The following BBS4 variants were observed in gnomAD, a reference collection of about 807,000 sequenced individuals.
The protein encoded by BBS4 is BBSome complex member BBS4.
BBS4 carries 58 observed loss-of-function variants against 71.4 expected under a neutral mutation model. That is an observed-to-expected ratio of 0.81 (90% CI 0.66 to 1.01). The LOEUF (loss-of-function observed/expected upper bound fraction) is 1.01. Ranked by LOEUF, BBS4 falls within the 50% of genes least tolerant of loss-of-function variation. BBS4 has a pLI of 0.00. For missense variants in BBS4, 660 were observed against 607.9 expected (o/e 1.09, Z -0.90); for synonymous variants, 228 against 216.8 (o/e 1.05, Z -0.46).
intron 12 of BBS4, among the ~76,000 whole-genome samples, chr15:72,734,125 T>C (rs1231764165): frequency 2.0e-5 from 3 of 152,318 alleles, no homozygotes; most frequent in Admixed American, 1.3e-4. Flanking sequence ...TCTTGTAAAT[T>C]TGCTTAAGTT....
chr15:72,698,748 A>G (rs1369920733), intron 2 of BBS4, among the ~76,000 whole-genome samples: 1 of 152,204 alleles, frequency 6.6e-6, no homozygotes, highest in Non-Finnish European at 1.5e-5. Flanking sequence ...CATTTCCTGT[A>G]CTGTATATAA....
intron 7 of BBS4, among the ~76,000 whole-genome samples, chr15:72,724,079 G>A (rs1469759833): frequency 6.6e-6 from 1 of 152,190 alleles, no homozygotes; most frequent in Non-Finnish European, 1.5e-5. Context: ...ACAGCAAGCA[G>A]TTGGGTGAAT....
chr15:72,692,555 G>C (rs2065005500), intron 1 of BBS4, among the ~76,000 whole-genome samples: 1 of 151,282 alleles, frequency 6.6e-6, no homozygotes, highest in Non-Finnish European at 1.5e-5. Context: ...TCAAGCAATC[G>C]GCCTGCCTCA....
chr15:72,688,411 C>CTTTTTTTTTCTTTTT (rs2064915652), intron 1 of BBS4, among the ~76,000 whole-genome samples: 1 of 83,048 alleles, frequency 1.2e-5, no homozygotes, highest in East Asian at 5.2e-4. Flanking sequence ...GGTATTTTAT[C>CTTTTTTTTTCTTTTT]TTTTTTTTTT....
In BBS4 at chr15:72,695,159, C is replaced by T. The variant is rs140934493; in HGVS notation, c.25-18C>T. On this transcript the variant is annotated intron_variant, in intron 1 of 15. Coordinates refer to ENST00000268057, the MANE Select transcript of BBS4 (RefSeq NM_033028.5). ...TTATATTGTGGTGCTTCAATATAGA[C>T]TACTTATTTCATTTCAGAGAACTCA... The T allele has an allele frequency of 6.9e-6, 11 of 1,583,386 alleles. No homozygotes were observed. The East Asian group carries it at 2.5e-4, about 35-fold the overall frequency.
chr15:72,733,190 C>T (rs2065858946), intron 12 of BBS4, among the ~76,000 whole-genome samples: 1 of 152,156 alleles, frequency 6.6e-6, no homozygotes, highest in African/African-American at 2.4e-5. Context: ...TGTGATGGTA[C>T]ATACCTGTAG....
intron 2 of BBS4, among the ~76,000 whole-genome samples, chr15:72,708,868 C>T (rs1173343793): frequency 6.6e-6 from 1 of 152,094 alleles, no homozygotes; most frequent in Non-Finnish European, 1.5e-5. Context: ...AAAACCCCAC[C>T]CTGGTAAATT....
At chr15:72,704,518 C>G (rs1477306064) in intron 2 of BBS4, 3 of 1,146,638 alleles carry the variant, frequency 2.6e-6, no homozygotes, top group East Asian at 1.2e-4. Flanking sequence ...TTCATAGATT[C>G]TAGGGATTTC....
intron 2 of BBS4, among the ~76,000 whole-genome samples, chr15:72,707,204 A>C (rs2065280814): frequency 7.0e-6 from 1 of 142,216 alleles, no homozygotes; most frequent in Non-Finnish European, 1.5e-5. Flanking sequence ...TTGGAGACAG[A>C]ATCTTGCTCT....
intron 1 of BBS4, among the ~76,000 whole-genome samples, chr15:72,688,409 A>ATTTTTTTTTTTTTTTTT (rs1188469848): frequency 1.2e-4 from 3 of 24,108 alleles, no homozygotes; most frequent in Admixed American, 7.3e-4. Context: ...GTGGTATTTT[A>ATTTTTTTTTTTTTTTTT]TCTTTTTTTT....
intron 7 of BBS4, among the ~76,000 whole-genome samples, chr15:72,723,406 TAA>T (rs1348944726): frequency 1.3e-5 from 2 of 152,156 alleles, no homozygotes; most frequent in African/African-American, 4.8e-5. Flanking sequence ...GGTACTCAGG[TAA>T]GAAAAAGTAT....
At chr15:72,710,393 G>T (rs1004187251) in intron 3 of BBS4, among the ~76,000 whole-genome samples, 1 of 151,496 alleles carries the variant, frequency 6.6e-6, no homozygotes, top group African/African-American at 2.4e-5. Flanking sequence ...GTAGAGATGG[G>T]GTTTCACCAT....
intron 4 of BBS4, among the ~76,000 whole-genome samples, chr15:72,713,686 A>T: frequency 6.6e-6 from 1 of 152,214 alleles, no homozygotes; most frequent in East Asian, 1.9e-4. Context: ...CTGGCAGCAC[A>T]GTAGGTTTGT....
chr15:72,686,275 T>G (rs1252530299), intron 1 of BBS4, 24 bp downstream of exon 1: 3 of 1,561,422 alleles, frequency 1.9e-6, no homozygotes, highest in Admixed American at 3.8e-5. Flanking sequence ...TTCTCTTTAG[T>G]TGCCCGGCCG....
chr15:72,688,411 C>CTTTTTTTTTTTTTTTT (rs58644289), intron 1 of BBS4, among the ~76,000 whole-genome samples: 1,607 of 83,032 alleles, frequency 0.019, 314 homozygotes, highest in East Asian at 0.11. Context: ...GGTATTTTAT[C>CTTTTTTTTTTTTTTTT]TTTTTTTTTT....
intron 1 of BBS4, among the ~76,000 whole-genome samples, chr15:72,692,613 G>GATCTATCTGTC (rs1446075551): frequency 3.3e-5 from 5 of 149,902 alleles, no homozygotes; most frequent in Admixed American, 6.6e-5. Context: ...ACACCTGGCT[G>GATCTATCTGTC]TTTGTTTGTT....
In BBS4 at chr15:72,702,802, CT is replaced by C. The variant is rs59816410; in HGVS notation, c.77-6875del. On this transcript the variant is annotated intron_variant, in intron 2 of 15. Coordinates refer to ENST00000268057, the MANE Select transcript of BBS4 (RefSeq NM_033028.5). ...TTTTTGGTATAGTGAGGAGCTGACT[CT>C]TTTTTTTTTTTTTTTTTTTTTTGAG... Among the ~76,000 whole-genome samples, 44 of 73,486 alleles carry C rather than the reference CT, an allele frequency of 6.0e-4. 1 individual carries two copies. In the East Asian group the frequency reaches 7.4e-3, roughly 12 times the overall value. 48.2% of individuals were successfully genotyped at this position (73,486 alleles called of 152,430 possible).
chr15:72,694,334 G>T (rs2065038497), intron 1 of BBS4, among the ~76,000 whole-genome samples: 1 of 151,754 alleles, frequency 6.6e-6, no homozygotes. Context: ...GGGACTATAG[G>T]CACGTGCCAC....
intron 2 of BBS4, among the ~76,000 whole-genome samples, chr15:72,708,838 A>T (rs2065312869): frequency 6.6e-6 from 1 of 152,150 alleles, no homozygotes; most frequent in Admixed American, 6.5e-5. Flanking sequence ...CAGTACCCTC[A>T]GGCTTATTAG....
Sources: gnomAD v4.1 joint callset for allele counts (sites outside exome capture counted in the v4.1 genomes callset) on GRCh38, gnomAD v4.1.1 for gene constraint, MANE v1.5 for transcripts, NCBI Gene and HGNC (gene_info 2026-07-23, HGNC 2026-07-21) for gene names.